LHX1: variants seen among roughly 807,000 people sequenced by gnomAD.
LHX1 encodes LIM/homeobox protein Lhx1.
In LHX1, 9 loss-of-function variants were observed where a neutral mutation model predicts 34.1. The ratio of observed to expected loss-of-function variants is 0.26; its 90% CI spans 0.16 to 0.46. LHX1 has a LOEUF of 0.46. Ranked by LOEUF, LHX1 falls within the 20% of genes least tolerant of loss-of-function variation. The probability of loss-of-function intolerance (pLI) is 1.00; values close to 1 mark genes in which losing one functional copy is unlikely to be tolerated. For missense variants in LHX1, 446 were observed against 559.1 expected, an observed-to-expected ratio of 0.80 and a Z score of 2.04; for synonymous variants, 254 against 241.5, an observed-to-expected ratio of 1.05 and a Z score of -0.48.
rs1303657736 is a variant in LHX1 at position 36,943,822 on chromosome 17, C to T, written c.*691C>T. The T allele has an allele frequency of 6.6e-6, 1 of 151,884 alleles. No homozygotes were observed. The highest frequency in any genetic ancestry group is 1.5e-5 in the Non-Finnish European group (1 of 68,004). 9.4% of individuals were successfully genotyped at this position (151,884 alleles called of 1,614,324 possible). ...TCGCAAAACTACACATACACACATACACACGTACACGGACACACTCGGTAA... is the reference window on the plus strand; with the variant it reads ...TCGCAAAACTACACATACACACATATACACGTACACGGACACACTCGGTAA... On this transcript the variant is annotated 3_prime_UTR_variant, in exon 5 of 5. Transcript: ENST00000614239.
At chr17:36,939,951 A>C in intron 1 of LHX1, 7 of 454,848 alleles carry the variant, frequency 1.5e-5, no homozygotes, top group East Asian at 4.1e-5. Flanking sequence ...CTGCCTTGCC[A>C]CCTTCTTTAG....
chr17:36,936,977 AT>A (rs1187665158), upstream of LHX1: 369 of 249,858 alleles, frequency 1.5e-3, 2 homozygotes, highest in South Asian at 6.8e-3. Flanking sequence ...GCGCCAGGAC[AT>A]TTTTTTTTAA....
intron 4 of LHX1, 25 bp from the exon 5 acceptor site, chr17:36,942,727 C>T (rs1229664344): frequency 6.8e-7 from 1 of 1,474,026 alleles, no homozygotes; most frequent in Non-Finnish European, 9.0e-7. Context: ...CCCTGACGTC[C>T]TGCGCCCTCC....
In LHX1 at chr17:36,944,355, A is replaced by G. The variant is rs962527933; in HGVS notation, c.*1224A>G. On this transcript the variant is annotated 3_prime_UTR_variant, in exon 5 of 5. Transcript: ENST00000614239. ...GTTGAACATTCATGGAATTGTTAAT[A>G]TGACTTATATAGACCCACACAGGTT... is the stretch of plus-strand genomic sequence containing the variant. The G allele has an allele frequency of 2.6e-5, 4 of 151,944 alleles. No individual in the cohort carries two copies. Among genetic ancestry groups the G allele is most frequent in the African/African-American group, 7.2e-5 (3 of 41,394 alleles). 9.4% of individuals were successfully genotyped at this position (151,944 alleles called of 1,614,324 possible).
intron 4 of LHX1, 60 bp downstream of exon 4, chr17:36,942,425 G>T: frequency 2.0e-6 from 3 of 1,522,366 alleles, no homozygotes; most frequent in Non-Finnish European, 2.7e-6. Context: ...TTGGAAGCGG[G>T]TGGCAGCGCG....
Position 36,942,699 on chromosome 17 carries a change from C to T in LHX1, c.842-53C>T, listed in dbSNP as rs570337695. On this transcript the variant is annotated intron_variant, in intron 4 of 4. Coordinates refer to ENST00000614239, the MANE Select transcript of LHX1 (RefSeq NM_005568.5). ...TCGCGTCTTCCCTCCCTTTCGGTCC[C>T]GCCGGCCCCCGGCCGGGCCCTGACG... 5.1e-5 allele frequency: 74 copies of T among 1,439,708 alleles called. No individual in the cohort carries two copies. In the Middle Eastern group the frequency reaches 1.6e-3, roughly 32 times the overall value. 89.2% of individuals were successfully genotyped at this position (1,439,708 alleles called of 1,614,324 possible). A position where few individuals can be genotyped will look rare whatever the true frequency, so the allele number is the denominator to read the frequency against.
chr17:36,941,093 A>G (rs1440259512), intron 3 of LHX1: 1 of 828,396 alleles, frequency 1.2e-6, no homozygotes, highest in East Asian at 2.6e-5. Context: ...AGCCCAACAG[A>G]GGTGATCGTG....
chr17:36,937,800 G>T lies in LHX1; in HGVS notation c.-398G>T, dbSNP rs2070737336. On this transcript the variant is annotated 5_prime_UTR_variant, in exon 1 of 5. Transcript: ENST00000614239. Reference sequence around the variant, plus strand: ...CCTCGCAACCCGAGCTCGGCGAGTCGTCGTCTTCTTCTTCTCCGTTTTTAT... The same window carrying T: ...CCTCGCAACCCGAGCTCGGCGAGTCTTCGTCTTCTTCTTCTCCGTTTTTAT... 2.1e-6 allele frequency: 1 copy of T among 483,292 alleles called. No individual in the cohort carries two copies. Among genetic ancestry groups the T allele is most frequent in the Non-Finnish European group, 4.1e-6 (1 of 245,690 alleles). 29.9% of individuals were successfully genotyped at this position (483,292 alleles called of 1,614,324 possible). A position where few individuals can be genotyped will look rare whatever the true frequency, so the allele number is the denominator to read the frequency against.
chr17:36,941,880 T>G (rs2070767215), intron 3 of LHX1, among the ~76,000 whole-genome samples: 1 of 152,172 alleles, frequency 6.6e-6, no homozygotes, highest in Non-Finnish European at 1.5e-5. Context: ...GCGTAGTCTC[T>G]ATGTGTGTAC....
Position 36,942,304 on chromosome 17 carries a change from G to C in LHX1, c.780G>C (p.Pro260=). Residue 260 remains proline (P), a synonymous_variant, in exon 4 of 5, where the codon CCG becomes CCC. Coordinates refer to ENST00000614239, the MANE Select transcript of LHX1 (RefSeq NM_005568.5). ...TCCGCAGTCCGCGCCGGATGCGGCC[G>C]CTGGTGGACCGCCTGGAGCCGGGCG... ...AFFRSPRRMR[P]LVDRLEPGEL... is the part of the protein sequence containing the mutation. 3 of 1,593,786 alleles carry C rather than the reference G, an allele frequency of 1.9e-6. No individual in the cohort carries two copies. The highest frequency in any genetic ancestry group is 2.6e-6 in the Non-Finnish European group (3 of 1,171,628).
Position 36,942,392 on chromosome 17 carries a change from C to T in LHX1, c.841+27C>T, listed in dbSNP as rs1363743736. The T allele has an allele frequency of 5.1e-6, 8 of 1,557,208 alleles. No individual in the cohort carries two copies. The Admixed American group carries it at 1.2e-4, about 23-fold the overall frequency. On this transcript the variant is annotated intron_variant, in intron 4 of 4. Transcript: ENST00000614239. ...TGGGTGCGCGCCGAATGGCGGGGCGCGGCCAGGTCGGGGCGGGCTTCGTTG... is the reference window on the plus strand; with the variant it reads ...TGGGTGCGCGCCGAATGGCGGGGCGTGGCCAGGTCGGGGCGGGCTTCGTTG...
intron 3 of LHX1, 86 bp from the exon 4 acceptor site, chr17:36,942,114 C>A: frequency 7.2e-7 from 1 of 1,392,332 alleles, no homozygotes; most frequent in Non-Finnish European, 9.8e-7. Flanking sequence ...GCTAGCCAGG[C>A]GGTGAAGGGG....
At chr17:36,942,179 C>T in intron 3 of LHX1, 21 bp from the exon 4 acceptor site, 1 of 1,573,074 alleles carries the variant, frequency 6.4e-7, no homozygotes, top group Non-Finnish European at 8.6e-7. Flanking sequence ...GGTGGCCTCA[C>T]CCCGCCGCCA....
rs2070742325 is a variant in LHX1, at chr17:36,938,288, T to C, written c.91T>C (p.Cys31Arg). The change falls in exon 1 of 5, where the codon TGC (cysteine) becomes CGC (arginine). Residue 31 changes from cysteine to arginine, a missense_variant. Physicochemically the swap from Cys to Arg is radical, Grantham distance 180. Coordinates refer to ENST00000614239, the MANE Select transcript of LHX1 (RefSeq NM_005568.5). Reference sequence around the variant, plus strand: ...GGCCTGGCACGTCAAGTGCGTCCAGTGCTGTGAATGTAAATGCAACCTGAC... The same window carrying C: ...GGCCTGGCACGTCAAGTGCGTCCAGCGCTGTGAATGTAAATGCAACCTGAC... Reference protein sequence around the residue: ...DRAWHVKCVQCCECKCNLTEK... With the variant: ...DRAWHVKCVQRCECKCNLTEK... The C allele has an allele frequency of 6.2e-7, 1 of 1,614,004 alleles. No homozygotes were observed. Among genetic ancestry groups the C allele is most frequent in the Non-Finnish European group, 8.5e-7 (1 of 1,180,004 alleles).
Position 36,937,935 on chromosome 17 carries a change from G to C in LHX1, c.-263G>C. The C allele has an allele frequency of 1.7e-6, 1 of 601,678 alleles. No individual in the cohort carries two copies. The allele number at this position is 601,678 out of a possible 1,614,324, so 37.3% of individuals were successfully genotyped here. A position where few individuals can be genotyped will look rare whatever the true frequency, so the allele number is the denominator to read the frequency against. ...CTGAGACTTCTTTTCCTCGCCCCGGGAGCTCAGGCGGCGCCGCTCCAGCCC... is the reference window on the plus strand; with the variant it reads ...CTGAGACTTCTTTTCCTCGCCCCGGCAGCTCAGGCGGCGCCGCTCCAGCCC... On this transcript the variant is annotated 5_prime_UTR_variant, in exon 1 of 5. Transcript: ENST00000614239.
rs1043596063 is a variant in LHX1 at position 36,938,000 on chromosome 17, GC to G, written c.-191del. On this transcript the variant is annotated 5_prime_UTR_variant, in exon 1 of 5. Transcript: ENST00000614239. ...CCCCGGCTGCACACTTCACTGAGAC[GC>G]CCCCCCAGGCCCCGATCAGCCTCGT... 3.2e-6 allele frequency: 2 copies of G among 615,896 alleles called. No individual in the cohort carries two copies. Among genetic ancestry groups the G allele is most frequent in the Non-Finnish European group, 5.7e-6 (2 of 348,494 alleles). The allele number at this position is 615,896 out of a possible 1,614,324, so 38.2% of individuals were successfully genotyped here. A position where few individuals can be genotyped will look rare whatever the true frequency, so the allele number is the denominator to read the frequency against.
intron 1 of LHX1, among the ~76,000 whole-genome samples, chr17:36,939,464 T>C (rs1299441446): frequency 1.3e-5 from 2 of 152,216 alleles, no homozygotes; most frequent in African/African-American, 4.8e-5. Flanking sequence ...GGGGTTGGGT[T>C]GCGTGGAACC....
intron 1 of LHX1, among the ~76,000 whole-genome samples, chr17:36,939,382 A>C (rs1231042680): frequency 6.6e-6 from 1 of 152,120 alleles, no homozygotes; most frequent in Non-Finnish European, 1.5e-5. Context: ...AGGGAGCAGG[A>C]GGAAGAGGGA....
At chr17:36,942,454 T>C in intron 4 of LHX1, 89 bp downstream of exon 4, 1 of 1,374,202 alleles carries the variant, frequency 7.3e-7, no homozygotes, top group Non-Finnish European at 1.0e-6. Flanking sequence ...CGCCTCGCTC[T>C]CTGTAAGCCA....
Sources: gnomAD v4.1 joint callset for allele counts (sites outside exome capture counted in the v4.1 genomes callset) on GRCh38, gnomAD v4.1.1 for gene constraint, MANE v1.5 for transcripts, NCBI Gene and HGNC (gene_info 2026-07-23, HGNC 2026-07-21) for gene names.